SLC4A4: variants seen among roughly 807,000 people sequenced by gnomAD.
SLC4A4 encodes the protein electrogenic sodium bicarbonate cotransporter 1.
In SLC4A4, 27 loss-of-function variants were observed where a neutral mutation model predicts 111.5. The ratio of observed to expected loss-of-function variants is 0.24; its 90% CI spans 0.18 to 0.33. The LOEUF (loss-of-function observed/expected upper bound fraction) is 0.33. Ranked by LOEUF, SLC4A4 falls within the 10% of genes least tolerant of loss-of-function variation. The pLI is 1.00. For synonymous variants in SLC4A4, 443 were observed against 463.4 expected (o/e 0.96, Z 0.57); for missense variants, 909 against 1,315.5 (o/e 0.69, Z 4.78).
chr4:71,159,809 C>A (rs867684414), intron 2 of SLC4A4, among the ~76,000 whole-genome samples: 1 of 152,088 alleles, frequency 6.6e-6, no homozygotes, highest in Non-Finnish European at 1.5e-5. Context: ...GATCAACTAG[C>A]CTATATAAAA....
chr4:71,075,841 G>GTA (rs1228582158), intron 1 of SLC4A4, among the ~76,000 whole-genome samples: 5 of 151,970 alleles, frequency 3.3e-5, no homozygotes, highest in African/African-American at 4.8e-5. Context: ...GTGGGCGCCT[G>GTA]TAGTCCCAGC....
At chr4:71,208,484 A>G in intron 1 of SLC4A4, among the ~76,000 whole-genome samples, 1 of 150,916 alleles carries the variant, frequency 6.6e-6, no homozygotes, top group South Asian at 2.1e-4. Flanking sequence ...TATTACAGGT[A>G]TCCAGATATA....
At chr4:71,489,929 T>C (rs1729751484) in intron 15 of SLC4A4, among the ~76,000 whole-genome samples, 1 of 151,732 alleles carries the variant, frequency 6.6e-6, no homozygotes, top group Non-Finnish European at 1.5e-5. Flanking sequence ...GTGGTAGGGA[T>C]ATGTTTCAGG....
In SLC4A4 at chr4:71,446,801, G is replaced by A. The variant is rs1725272054; in HGVS notation, c.966-845G>A. On this transcript the variant is annotated intron_variant, in intron 8 of 25. Transcript: ENST00000264485. The stretch of plus-strand genomic sequence containing the variant: ...TGGGATTTATCCCACGTCACCTTTT[G>A]TAGATTTTTTTGTAAATTTTTTCTT... Among the ~76,000 whole-genome samples the A allele has an allele frequency of 2.6e-5, 4 of 152,174 alleles. No homozygotes were observed. The South Asian group carries it at 8.3e-4, about 32-fold the overall frequency.
intron 19 of SLC4A4, 69 bp downstream of exon 19, chr4:71,546,597 G>T: frequency 7.6e-7 from 1 of 1,318,734 alleles, no homozygotes; most frequent in Non-Finnish European, 1.1e-6. Flanking sequence ...CAATCATAAG[G>T]ATATGGGCAG....
intron 2 of SLC4A4, among the ~76,000 whole-genome samples, chr4:71,122,280 T>G (rs1743454828): frequency 7.4e-6 from 1 of 135,516 alleles, no homozygotes. Context: ...GCCACTGCAC[T>G]CCAGCCTGGA....
At chr4:71,546,962 C>T (rs965183230) in intron 19 of SLC4A4, among the ~76,000 whole-genome samples, 12 of 151,840 alleles carry the variant, frequency 7.9e-5, no homozygotes, top group African/African-American at 2.2e-4. Flanking sequence ...AACCTCCAGA[C>T]GTTCAATTTG....
intron 20 of SLC4A4, among the ~76,000 whole-genome samples, chr4:71,554,127 G>T (rs1185650488): frequency 6.6e-6 from 1 of 151,868 alleles, no homozygotes; most frequent in Non-Finnish European, 1.5e-5. Context: ...ACAAGGAGAG[G>T]CTGATAGAAA....
At chr4:71,250,678 G>A (rs1428218867) in intron 2 of SLC4A4, among the ~76,000 whole-genome samples, 1 of 152,142 alleles carries the variant, frequency 6.6e-6, no homozygotes, top group Non-Finnish European at 1.5e-5. Flanking sequence ...GCTCACTACG[G>A]GTTTGCCTAA....
chr4:71,130,357 A>G (rs6829042), intron 2 of SLC4A4, among the ~76,000 whole-genome samples: 105,887 of 152,010 alleles, frequency 0.7, 38,590 homozygotes, highest in Admixed American at 0.82. Context: ...AGCCTCCTGA[A>G]TAGCTGGAAC....
intron 16 of SLC4A4, among the ~76,000 whole-genome samples, chr4:71,521,903 T>C (rs889849612): frequency 6.6e-6 from 1 of 152,142 alleles, no homozygotes; most frequent in Admixed American, 6.5e-5. Context: ...CACTTACACT[T>C]CGATTCCACT....
intron 3 of SLC4A4, among the ~76,000 whole-genome samples, chr4:71,311,902 A>T (rs1013513292): frequency 4.0e-5 from 6 of 148,682 alleles, no homozygotes; most frequent in Non-Finnish European, 7.5e-5. Context: ...AGAGAGAGAG[A>T]GAGAGAGAGA....
intron 3 of SLC4A4, among the ~76,000 whole-genome samples, chr4:71,275,730 C>A (rs1723021783): frequency 6.6e-6 from 1 of 152,254 alleles, no homozygotes; most frequent in African/African-American, 2.4e-5. Context: ...CTTCGGCCCT[C>A]AAGCAAATGT....
chr4:71,435,534 G>A (rs755279487), intron 7 of SLC4A4, among the ~76,000 whole-genome samples: 21 of 152,142 alleles, frequency 1.4e-4, no homozygotes, highest in Non-Finnish European at 2.6e-4. Context: ...AAAAGCAATG[G>A]CAACAAAAGC....
chr4:71,331,934 A>G (rs1578853955), intron 3 of SLC4A4, among the ~76,000 whole-genome samples: 1 of 152,156 alleles, frequency 6.6e-6, no homozygotes, highest in Middle Eastern at 3.4e-3. Context: ...AGATTTGTCC[A>G]TTTCTTCTAA....
rs183408185 is a variant in SLC4A4 at position 71,257,503 on chromosome 4, G to T, written c.253+2104G>T. Among the ~76,000 whole-genome samples, 559 of 152,254 alleles carry T rather than the reference G, an allele frequency of 3.7e-3. 3 individuals are homozygous for T. The highest frequency in any genetic ancestry group is 0.013 in the African/African-American group (530 of 41,556). ...TTATTTGGTACAGTTCTGTTTAAAA[G>T]TCAGAGTTTTTGCACCTAGATATAG... On this transcript the variant is annotated intron_variant, in intron 3 of 25. Coordinates refer to ENST00000264485, the MANE Select transcript of SLC4A4 (RefSeq NM_001098484.3).
intron 3 of SLC4A4, among the ~76,000 whole-genome samples, chr4:71,327,921 C>A (rs114665645): frequency 2.0e-5 from 3 of 151,780 alleles, no homozygotes; most frequent in Non-Finnish European, 2.9e-5. Flanking sequence ...AAATACTAGG[C>A]CTTATTTATT....
At chr4:71,306,412 C>A (rs1323995615) in intron 3 of SLC4A4, among the ~76,000 whole-genome samples, 3 of 152,080 alleles carry the variant, frequency 2.0e-5, no homozygotes, top group Non-Finnish European at 4.4e-5. Flanking sequence ...GAAACCCTGT[C>A]TCTACTAAAA....
At chr4:71,201,402 A>G (rs903014225) in intron 1 of SLC4A4, among the ~76,000 whole-genome samples, 3 of 152,158 alleles carry the variant, frequency 2.0e-5, no homozygotes, top group Non-Finnish European at 4.4e-5. Flanking sequence ...AATTTCTAGA[A>G]CAAGGTTGAG....
Sources: allele counts gnomAD v4.1 joint callset (sites outside exome capture counted in the v4.1 genomes callset), GRCh38; gene constraint gnomAD v4.1.1; transcripts MANE v1.5; gene names NCBI Gene and HGNC (gene_info 2026-07-23, HGNC 2026-07-21).